ST18: variants seen among roughly 807,000 people sequenced by gnomAD.
ST18 encodes ST18 C2H2C-type zinc finger transcription factor, also known as suppression of tumorigenicity 18 protein.
A neutral mutation model predicts 110.0 loss-of-function variants in ST18; 50 were observed. The observed-to-expected ratio is 0.45, with a 90% CI of 0.36 to 0.58. The LOEUF is 0.58. ST18 is among the 20% of genes least tolerant of loss of function. The pLI is 0.00. For missense variants in ST18, 1,306 were observed against 1,280.1 expected (o/e 1.02, Z -0.31); for synonymous variants, 461 against 452.4 (o/e 1.02, Z -0.24).
In ST18 at chr8:52,139,646, G is replaced by A. The variant is rs904697012; in HGVS notation, c.2169-2163C>T. 4.6e-5 allele frequency among the ~76,000 whole-genome samples: 7 copies of A among 152,148 alleles called. No individual in the cohort carries two copies. In the South Asian group the frequency reaches 8.3e-4, roughly 18 times the overall value. On this transcript the variant is annotated intron_variant, in intron 17 of 25. Coordinates refer to ENST00000689386, the MANE Select transcript of ST18 (RefSeq NM_001352837.2). ...GCTGGGATTACAGGCATGAGCCACC[G>A]CGCCCGGCCTATTTTATATTTTTAA...
intron 2 of ST18, among the ~76,000 whole-genome samples, chr8:52,353,425 T>A (rs572228872): frequency 4.6e-5 from 7 of 152,202 alleles, no homozygotes; most frequent in African/African-American, 1.7e-4. Flanking sequence ...GCACAACAAA[T>A]AATGGTACTA....
intron 2 of ST18, among the ~76,000 whole-genome samples, chr8:52,248,186 G>T (rs1338665614): frequency 6.6e-6 from 1 of 151,966 alleles, no homozygotes; most frequent in African/African-American, 2.4e-5. Context: ...TCACAATATT[G>T]CTATATCCTT....
At chr8:52,369,917 T>C (rs969000004) in intron 2 of ST18, among the ~76,000 whole-genome samples, 2 of 152,214 alleles carry the variant, frequency 1.3e-5, no homozygotes, top group African/African-American at 4.8e-5. Context: ...GAAAATGCTC[T>C]GGAGGGGTTC....
chr8:52,149,268 G>A (rs2058183586), intron 16 of ST18, among the ~76,000 whole-genome samples: 1 of 152,214 alleles, frequency 6.6e-6, no homozygotes, highest in Non-Finnish European at 1.5e-5. Flanking sequence ...TAAACAATGA[G>A]TCTATACATA....
intron 2 of ST18, among the ~76,000 whole-genome samples, chr8:52,303,324 T>C (rs2095759732): frequency 1.3e-5 from 2 of 152,280 alleles, no homozygotes; most frequent in South Asian, 4.1e-4. Flanking sequence ...TCCTTTGTTA[T>C]GTTGCCTTCG....
At chr8:52,376,895 A>T (rs1832610618) in intron 2 of ST18, among the ~76,000 whole-genome samples, 1 of 152,188 alleles carries the variant, frequency 6.6e-6, no homozygotes, top group South Asian at 2.1e-4. Flanking sequence ...TTGGACTTTG[A>T]TGGGTCCAAG....
chr8:52,144,835 A>G (rs1259205719), intron 16 of ST18, among the ~76,000 whole-genome samples: 2 of 152,130 alleles, frequency 1.3e-5, no homozygotes, highest in African/African-American at 4.8e-5. Context: ...TACCTTTCAA[A>G]GTTTTATGCT....
At chr8:52,117,246 G>A (rs76212952) in intron 24 of ST18, among the ~76,000 whole-genome samples, 2,423 of 152,072 alleles carry the variant, frequency 0.016, 76 homozygotes, top group African/African-American at 0.055. Flanking sequence ...CGCTTGCAGG[G>A]TTTCTTCTGT....
intron 2 of ST18, among the ~76,000 whole-genome samples, chr8:52,329,855 AG>A (rs1009162067): frequency 3.3e-5 from 5 of 152,194 alleles, no homozygotes; most frequent in African/African-American, 1.2e-4. Context: ...AAGGTTAAAA[AG>A]GTTGCAAAAT....
At chr8:52,349,258 G>C (rs1819166108) in intron 2 of ST18, among the ~76,000 whole-genome samples, 1 of 152,106 alleles carries the variant, frequency 6.6e-6, no homozygotes, top group Non-Finnish European at 1.5e-5. Context: ...CCTGTGTCCT[G>C]AAGGCTTTGT....
chr8:52,191,143 G>A (rs1377706635), intron 8 of ST18, among the ~76,000 whole-genome samples: 1 of 152,152 alleles, frequency 6.6e-6, no homozygotes, highest in African/African-American at 2.4e-5. Flanking sequence ...CTGTTGCTTG[G>A]GCCATACAAC....
chr8:52,367,708 G>C lies in ST18; in HGVS notation c.-465+41620C>G, dbSNP rs111943906. Among the ~76,000 whole-genome samples the C allele has an allele frequency of 7.2e-5, 11 of 152,218 alleles. 1 individual carries two copies. Among genetic ancestry groups the C allele is most frequent in the African/African-American group, 2.2e-4 (9 of 41,554 alleles). ...GGTCCCATCTCTTGGACCTTATTGC[G>C]ACCAATTAACAAGTTAAGCAAACCT... is the stretch of plus-strand genomic sequence containing the variant. On this transcript the variant is annotated intron_variant, in intron 2 of 25. Coordinates refer to ENST00000689386, the MANE Select transcript of ST18 (RefSeq NM_001352837.2).
intron 16 of ST18, among the ~76,000 whole-genome samples, chr8:52,148,501 G>C (rs1051464039): frequency 4.6e-5 from 7 of 152,080 alleles, no homozygotes; most frequent in African/African-American, 1.7e-4. Flanking sequence ...GTGCTACTCT[G>C]TTTATCAGTG....
intron 2 of ST18, among the ~76,000 whole-genome samples, chr8:52,395,423 T>G (rs1369926255): frequency 6.6e-6 from 1 of 152,020 alleles, no homozygotes; most frequent in Non-Finnish European, 1.5e-5. Context: ...AGAAAGACAT[T>G]ATTGAGAAGT....
chr8:52,384,472 A>T (rs879463464), intron 2 of ST18, among the ~76,000 whole-genome samples: 1 of 151,422 alleles, frequency 6.6e-6, no homozygotes, highest in Non-Finnish European at 1.5e-5. Context: ...CACACACACA[A>T]TTTCTCACAC....
At chr8:52,374,837 T>C (rs554486912) in intron 2 of ST18, among the ~76,000 whole-genome samples, 1 of 152,302 alleles carries the variant, frequency 6.6e-6, no homozygotes, top group Non-Finnish European at 1.5e-5. Context: ...TCCAGCTTCA[T>C]CCATATCCCT....
chr8:52,153,937 G>A (rs1055455167), intron 15 of ST18, among the ~76,000 whole-genome samples: 5 of 152,170 alleles, frequency 3.3e-5, no homozygotes, highest in African/African-American at 4.8e-5. Flanking sequence ...CACATAATAC[G>A]TCTTCCATAA....
At chr8:52,297,839 A>C (rs2095658073) in intron 2 of ST18, among the ~76,000 whole-genome samples, 1 of 152,328 alleles carries the variant, frequency 6.6e-6, no homozygotes, top group South Asian at 2.1e-4. Context: ...CATGCCCAGG[A>C]AAAAAAGTGA....
intron 7 of ST18, among the ~76,000 whole-genome samples, chr8:52,212,715 C>A (rs993691730): frequency 6.6e-6 from 1 of 152,092 alleles, no homozygotes; most frequent in Non-Finnish European, 1.5e-5. Context: ...GGATAAGCAG[C>A]ATATTGAGAG....
Sources: allele counts gnomAD v4.1 joint callset (sites outside exome capture counted in the v4.1 genomes callset), GRCh38; gene constraint gnomAD v4.1.1; transcripts MANE v1.5; gene names NCBI Gene and HGNC (gene_info 2026-07-23, HGNC 2026-07-21).